The following ABCC1 variants were observed in gnomAD, a reference collection of about 807,000 sequenced individuals.
ABCC1 encodes multidrug resistance-associated protein 1.
A neutral mutation model predicts 172.9 loss-of-function variants in ABCC1; 83 were observed. The observed-to-expected ratio is 0.48, with a 90% CI of 0.40 to 0.58. ABCC1 has a LOEUF of 0.58. ABCC1 is among the 20% of genes least tolerant of loss of function. The pLI is 0.00. For synonymous variants in ABCC1, 937 were observed against 825.2 expected, an observed-to-expected ratio of 1.14 and a Z score of -2.32; for missense variants, 1,817 against 2,002.7, an observed-to-expected ratio of 0.91 and a Z score of 1.77.
At chr16:16,022,082 G>T (rs2048213939) in intron 5 of ABCC1, among the ~76,000 whole-genome samples, 1 of 152,202 alleles carries the variant, frequency 6.6e-6, no homozygotes, top group Admixed American at 6.5e-5. Flanking sequence ...CCTCAGAGCA[G>T]CAGCAGGCCA....
At chr16:16,087,135 C>T (rs2051041299) in intron 18 of ABCC1, 144 bp downstream of exon 18, 1 of 1,011,038 alleles carries the variant, frequency 9.9e-7, no homozygotes, top group South Asian at 1.7e-5. Flanking sequence ...TCATGCTTGT[C>T]TTGGAAGCCT....
intron 1 of ABCC1, among the ~76,000 whole-genome samples, chr16:15,995,356 G>A (rs1386788567): frequency 6.6e-6 from 1 of 152,166 alleles, no homozygotes; most frequent in Non-Finnish European, 1.5e-5. Flanking sequence ...AGGCGGCACA[G>A]GTTTCTTCAT....
intron 29 of ABCC1, among the ~76,000 whole-genome samples, chr16:16,138,042 G>C (rs1017701910): frequency 6.6e-5 from 10 of 151,760 alleles, no homozygotes; most frequent in African/African-American, 2.2e-4. Flanking sequence ...TTTTTGGAGA[G>C]ATGGGGGTCT....
At chr16:16,102,827 CT>C in intron 20 of ABCC1, 110 bp downstream of exon 20, 1 of 995,906 alleles carries the variant, frequency 1.0e-6, no homozygotes, top group Non-Finnish European at 1.5e-6. Flanking sequence ...AAGGCCTGGG[CT>C]TTTACCTTCC....
At position 16,045,698 on chromosome 16, in the gene ABCC1, T is replaced by C. The variant is rs144400086; in HGVS notation, c.1041-138T>C. ...CAGCCAGATCACCACTGTGGACTTG[T>C]TTTTCCATCTATGAAATTGAAGTGA... On this transcript the variant is annotated intron_variant, in intron 8 of 30. Transcript: ENST00000399410. The C allele has an allele frequency of 1.3e-4, 113 of 891,042 alleles. 3 individuals carry two copies. In the African/African-American group the frequency reaches 1.3e-3, roughly 10 times the overall value. The allele number at this position is 891,042 out of a possible 1,614,324, so 55.2% of individuals were successfully genotyped here.
chr16:16,139,959 T>C (rs2046069514), intron 30 of ABCC1, among the ~76,000 whole-genome samples: 1 of 152,220 alleles, frequency 6.6e-6, no homozygotes, highest in African/African-American at 2.4e-5. Context: ...GACTCCAGTG[T>C]TGCCGTGTGA....
At chr16:16,110,121 C>T (rs370530135) in intron 21 of ABCC1, among the ~76,000 whole-genome samples, 3 of 150,904 alleles carry the variant, frequency 2.0e-5, no homozygotes, top group African/African-American at 7.3e-5. Flanking sequence ...TTTTTTCCCC[C>T]TGGAGGCAAT....
chr16:16,018,103 G>A (rs192924706), intron 5 of ABCC1, among the ~76,000 whole-genome samples: 11 of 152,282 alleles, frequency 7.2e-5, no homozygotes, highest in African/African-American at 2.2e-4. Context: ...GGTAATGGGC[G>A]GATTGCAGTG....
chr16:15,963,649 A>AGGCAC (rs751254250), intron 1 of ABCC1, among the ~76,000 whole-genome samples: 39 of 152,292 alleles, frequency 2.6e-4, no homozygotes, highest in South Asian at 1.7e-3. Flanking sequence ...CACCCTCTGA[A>AGGCAC]GGCACAGCCT....
At chr16:16,046,234 G>T (rs190176857) in intron 9 of ABCC1, among the ~76,000 whole-genome samples, 76 of 151,872 alleles carry the variant, frequency 5.0e-4, no homozygotes, top group African/African-American at 1.4e-3. Flanking sequence ...TTGTGTATCA[G>T]CTGTGAGTAA....
intron 6 of ABCC1, among the ~76,000 whole-genome samples, chr16:16,035,904 G>A (rs567472282): frequency 1.4e-4 from 21 of 151,632 alleles, no homozygotes; most frequent in African/African-American, 4.6e-4. Flanking sequence ...GCTTGAGCCC[G>A]GGGGTTCAAG....
At chr16:16,127,582 A>G (rs764743347) in intron 26 of ABCC1, among the ~76,000 whole-genome samples, 2 of 152,204 alleles carry the variant, frequency 1.3e-5, no homozygotes, top group Non-Finnish European at 2.9e-5. Context: ...CTTGCCCAAG[A>G]TCACATGGCT....
intron 19 of ABCC1, among the ~76,000 whole-genome samples, chr16:16,100,717 G>A (rs1363066901): frequency 6.6e-6 from 1 of 152,188 alleles, no homozygotes; most frequent in South Asian, 2.1e-4. Context: ...TAAGCAACAC[G>A]GGGGTCGCCA....
chr16:16,132,585 G>A (rs138400438), intron 27 of ABCC1, among the ~76,000 whole-genome samples: 275 of 126,966 alleles, frequency 2.2e-3, no homozygotes, highest in African/African-American at 7.7e-3. Flanking sequence ...GCAGGGGCCC[G>A]ATCTCAGCTC....
intron 28 of ABCC1, among the ~76,000 whole-genome samples, chr16:16,134,955 T>C (rs527448339): frequency 1.3e-5 from 2 of 152,184 alleles, no homozygotes; most frequent in Non-Finnish European, 2.9e-5. Context: ...ATTGTTTTTA[T>C]TGAAGTTAGG....
At chr16:15,978,327 G>A (rs763477113) in intron 1 of ABCC1, among the ~76,000 whole-genome samples, 26 of 152,058 alleles carry the variant, frequency 1.7e-4, no homozygotes, top group Non-Finnish European at 2.8e-4. Flanking sequence ...GATTGCACAC[G>A]ACTGCTTTCC....
At chr16:16,127,280 G>A (rs749536945) in intron 26 of ABCC1, among the ~76,000 whole-genome samples, 1 of 151,980 alleles carries the variant, frequency 6.6e-6, no homozygotes, top group Non-Finnish European at 1.5e-5. Context: ...AGTGTAGTGC[G>A]ATCTCATTCG....
chr16:16,130,455 G>A (rs4148378), intron 26 of ABCC1, among the ~76,000 whole-genome samples: 9,735 of 152,164 alleles, frequency 0.064, 522 homozygotes, highest in African/African-American at 0.14. Context: ...TCACTGCAGT[G>A]TGAGGAACAA....
In ABCC1 at chr16:16,079,389, G is replaced by A. The variant is rs748662966; in HGVS notation, c.2026G>A (p.Val676Met). The A allele has an allele frequency of 1.1e-5, 18 of 1,613,896 alleles. No individual in the cohort carries two copies. Among genetic ancestry groups the A allele is most frequent in the African/African-American group, 5.3e-5 (4 of 75,034 alleles). The change falls in exon 16 of 31, where the codon GTG (valine) becomes ATG (methionine). Residue 676 changes from valine (V) to methionine (M), a missense_variant. Transcript: ENST00000399410. Reference protein sequence around the residue: ...FSIPEGALVAVVGQVGCGKSS... With the variant: ...FSIPEGALVAMVGQVGCGKSS... ...CATCCCCGAAGGTGCTTTGGTGGCC[G>A]TGGTGGGCCAGGTGGGCTGCGGAAA...
Sources: allele counts gnomAD v4.1 joint callset (sites outside exome capture counted in the v4.1 genomes callset), GRCh38; gene constraint gnomAD v4.1.1; transcripts MANE v1.5; gene names NCBI Gene and HGNC (gene_info 2026-07-23, HGNC 2026-07-21).